The following VEGFC variants were observed in gnomAD, a reference collection of about 807,000 sequenced individuals.
VEGFC encodes the protein vascular endothelial growth factor C.
In VEGFC, 12 loss-of-function variants were observed where a neutral mutation model predicts 46.1. That is an observed-to-expected ratio of 0.26 (90% CI 0.17 to 0.42). VEGFC has a LOEUF of 0.42. Among genes scored for constraint, VEGFC ranks in the 10% least tolerant of loss-of-function variants. The pLI, the probability that VEGFC is intolerant of heterozygous loss-of-function variation, is 1.00. For synonymous variants in VEGFC, 232 were observed against 195.5 expected, an observed-to-expected ratio of 1.19 and a Z score of -1.56; for missense variants, 488 against 529.4, an observed-to-expected ratio of 0.92 and a Z score of 0.77.
intron 1 of VEGFC, among the ~76,000 whole-genome samples, chr4:176,755,100 C>T (rs1456680926): frequency 6.6e-6 from 1 of 151,894 alleles, no homozygotes; most frequent in Non-Finnish European, 1.5e-5. Context: ...CTGTTGGTTC[C>T]AATTCGTATA....
At chr4:176,693,164 C>A (rs569661759) in intron 4 of VEGFC, among the ~76,000 whole-genome samples, 1 of 151,544 alleles carries the variant, frequency 6.6e-6, no homozygotes, top group Admixed American at 6.6e-5. Context: ...AGGCTTCAGA[C>A]GATCAAATTA....
At chr4:176,721,084 T>A (rs1478251150) in intron 3 of VEGFC, among the ~76,000 whole-genome samples, 2 of 151,736 alleles carry the variant, frequency 1.3e-5, no homozygotes, top group Non-Finnish European at 2.9e-5. Flanking sequence ...ATACTGGAGG[T>A]GACAGATATT....
Position 176,727,943 on chromosome 4 carries a change from A to G in VEGFC, c.387T>C (p.Thr129=). The part of the protein sequence containing the change: ...LKSIDNEWRK[T]QCMPREVCID... ...TACACACCTCCCGTGGCATGCATTGAGTCTTTCTCCACTCATTATCAATAC... is the reference window on the plus strand; with the variant it reads ...TACACACCTCCCGTGGCATGCATTGGGTCTTTCTCCACTCATTATCAATAC... The change falls in exon 3 of 7, where the codon ACT becomes ACC. Residue 129 remains threonine (T), a synonymous_variant. Coordinates refer to ENST00000618562, the MANE Select transcript of VEGFC (RefSeq NM_005429.5). The G allele has an allele frequency of 6.2e-7, 1 of 1,612,288 alleles. No homozygotes were observed. Among genetic ancestry groups the G allele is most frequent in the Non-Finnish European group, 8.5e-7 (1 of 1,178,946 alleles).
intron 4 of VEGFC, among the ~76,000 whole-genome samples, chr4:176,708,252 C>T (rs925319512): frequency 1.1e-4 from 16 of 151,630 alleles, no homozygotes; most frequent in African/African-American, 3.6e-4. Context: ...TGATATATTA[C>T]AATTTATATA....
At chr4:176,692,866 C>G (rs1163950196) in intron 4 of VEGFC, among the ~76,000 whole-genome samples, 16 of 146,462 alleles carry the variant, frequency 1.1e-4, no homozygotes, top group Admixed American at 2.0e-4. Flanking sequence ...AGCAGGGGCA[C>G]ACTGACACCT....
intron 1 of VEGFC, among the ~76,000 whole-genome samples, chr4:176,757,859 T>A (rs1560957257): frequency 6.6e-6 from 1 of 152,074 alleles, no homozygotes; most frequent in Non-Finnish European, 1.5e-5. Context: ...GGAAAATTTA[T>A]ATTCAGGGAA....
chr4:176,742,026 G>T (rs1357251525), intron 1 of VEGFC, among the ~76,000 whole-genome samples: 1 of 151,788 alleles, frequency 6.6e-6, no homozygotes. Flanking sequence ...TGTGCAGGTG[G>T]GTTACAAAGG....
At chr4:176,714,584 A>C (rs1299761695) in intron 3 of VEGFC, among the ~76,000 whole-genome samples, 2 of 152,230 alleles carry the variant, frequency 1.3e-5, no homozygotes, top group African/African-American at 2.4e-5. Flanking sequence ...AGTGAAGGTA[A>C]GGCACTATTT....
intron 6 of VEGFC, 22 bp from the exon 7 acceptor site, chr4:176,684,062 C>G: frequency 3.8e-6 from 6 of 1,571,512 alleles, no homozygotes; most frequent in Non-Finnish European, 5.3e-6. Flanking sequence ...AACAAGAACA[C>G]ACTTACGTTA....
intron 1 of VEGFC, among the ~76,000 whole-genome samples, chr4:176,781,729 A>G (rs554931785): frequency 2.6e-5 from 4 of 152,332 alleles, no homozygotes; most frequent in South Asian, 4.1e-4. Flanking sequence ...GGCTCATTTA[A>G]TTGTAAACAA....
chr4:176,753,211 T>C (rs920103308), intron 1 of VEGFC, among the ~76,000 whole-genome samples: 5 of 152,008 alleles, frequency 3.3e-5, no homozygotes, highest in African/African-American at 1.2e-4. Context: ...TTGGGTCTAT[T>C]TTGGGGAGGG....
rs748908979 is a variant in VEGFC, at chr4:176,711,630, A to G, written c.573T>C (p.Pro191=). ...LSKTLFEITV[P]LSQGPKPVTI... ...TTACTGGTTTGGGGCCTTGAGAGAG[A>G]GGCACTGTAATTTCAAATAACTACA... The change falls in exon 4 of 7, where the codon CCT becomes CCC. Residue 191 remains proline, a synonymous_variant. Transcript: ENST00000618562. 6.2e-7 allele frequency: 1 copy of G among 1,613,244 alleles called. No individual in the cohort carries two copies. The highest frequency in any genetic ancestry group is 1.1e-5 in the South Asian group (1 of 90,904).
chr4:176,749,284 G>A (rs973303626), intron 1 of VEGFC, among the ~76,000 whole-genome samples: 9 of 151,820 alleles, frequency 5.9e-5, no homozygotes, highest in Non-Finnish European at 1.3e-4. Flanking sequence ...CAAACTCAAA[G>A]AAAAGATTGA....
At chr4:176,736,436 T>C (rs1399938018) in intron 1 of VEGFC, among the ~76,000 whole-genome samples, 1 of 150,024 alleles carries the variant, frequency 6.7e-6, no homozygotes, top group African/African-American at 2.4e-5. Flanking sequence ...GGAACTTGAG[T>C]ACATCATTTC....
chr4:176,770,183 A>G (rs1174860118), intron 1 of VEGFC, among the ~76,000 whole-genome samples: 2 of 152,196 alleles, frequency 1.3e-5, no homozygotes, highest in Admixed American at 1.3e-4. Context: ...TAGGCAGAAA[A>G]TATTTAGAAA....
intron 3 of VEGFC, among the ~76,000 whole-genome samples, chr4:176,724,541 T>C (rs1187877899): frequency 6.6e-6 from 1 of 152,232 alleles, no homozygotes; most frequent in Non-Finnish European, 1.5e-5. Context: ...ATATTGGGTC[T>C]AATCCAAATA....
At chr4:176,757,367 G>A (rs953597555) in intron 1 of VEGFC, among the ~76,000 whole-genome samples, 4 of 151,934 alleles carry the variant, frequency 2.6e-5, no homozygotes, top group Non-Finnish European at 2.9e-5. Context: ...TGTGATAAAA[G>A]CTTATAATAT....
At chr4:176,748,525 A>G (rs1037402048) in intron 1 of VEGFC, among the ~76,000 whole-genome samples, 5 of 152,076 alleles carry the variant, frequency 3.3e-5, no homozygotes, top group Admixed American at 1.3e-4. Flanking sequence ...GAAGAAAAGA[A>G]GGAAAGAGGA....
chr4:176,752,754 T>C (rs1735362078), intron 1 of VEGFC, among the ~76,000 whole-genome samples: 1 of 152,044 alleles, frequency 6.6e-6, no homozygotes, highest in Non-Finnish European at 1.5e-5. Context: ...TTTCCCATGT[T>C]AGAATTAGAA....
Sources: gnomAD v4.1 joint callset for allele counts (sites outside exome capture counted in the v4.1 genomes callset) on GRCh38, gnomAD v4.1.1 for gene constraint, MANE v1.5 for transcripts, NCBI Gene and HGNC (gene_info 2026-07-23, HGNC 2026-07-21) for gene names.